WDR81: variants seen among roughly 807,000 people sequenced by gnomAD.
The protein encoded by WDR81 is WD repeat domain 81, also known as WD repeat-containing protein 81.
In WDR81, 92 loss-of-function variants were observed where a neutral mutation model predicts 140.8. The observed-to-expected ratio is 0.65, with a 90% CI of 0.55 to 0.78. The LOEUF (loss-of-function observed/expected upper bound fraction) is 0.78. Among genes scored for constraint, WDR81 ranks in the 30% least tolerant of loss-of-function variants. The pLI, the probability that WDR81 is intolerant of heterozygous loss-of-function variation, is 0.00. For missense variants in WDR81, 2,502 were observed against 2,636.4 expected (o/e 0.95, Z 1.12); for synonymous variants, 1,183 against 1,156.4 (o/e 1.02, Z -0.47).
At position 1,725,448 on chromosome 17, in the gene WDR81, T is replaced by C; in HGVS notation, c.489T>C (p.Ser163=). 6.5e-7 allele frequency: 1 copy of C among 1,549,386 alleles called. No individual in the cohort carries two copies. The highest frequency in any genetic ancestry group is 8.7e-7 in the Non-Finnish European group (1 of 1,146,964). ...ACCACACTTACGGCCAGCCGTACAG[T>C]CACAGCCCTGCCCCCTCAGCTGTCC... ...HAYHTYGQPY[S]HSPAPSAVPA... Residue 163 remains serine, a synonymous_variant, in exon 1 of 10, where the codon AGT becomes AGC. Coordinates refer to ENST00000409644, the MANE Select transcript of WDR81 (RefSeq NM_001163809.2).
Position 1,737,517 on chromosome 17 carries a change from C to T in WDR81, c.5658C>T (p.Thr1886=), listed in dbSNP as rs754546662. 1.3e-5 allele frequency: 21 copies of T among 1,613,008 alleles called. No homozygotes were observed. Among genetic ancestry groups the T allele is most frequent in the African/African-American group, 1.2e-4 (9 of 74,932 alleles). The stretch of plus-strand genomic sequence containing the variant: ...ACGGCAGCGAGGTGGTCACTGGCAC[C>T]GTGTCCAACAAGATTGGCGTCTGCT... ...DLYGSEVVTG[T]VSNKIGVCSL... is the part of the protein sequence containing the mutation. The change falls in exon 10 of 10, where the codon ACC becomes ACT. Residue 1886 remains threonine, a synonymous_variant. Coordinates refer to ENST00000409644, the MANE Select transcript of WDR81 (RefSeq NM_001163809.2).
chr17:1,734,336 G>A (rs895716784), intron 7 of WDR81, 120 bp downstream of exon 7: 121 of 1,218,880 alleles, frequency 9.9e-5, no homozygotes, highest in Middle Eastern at 5.7e-4. Flanking sequence ...CAGCGAGGCC[G>A]CCTAGGAGAA....
At chr17:1,728,733 T>C (rs1389561215) in intron 1 of WDR81, 107 bp downstream of exon 1, 2 of 1,342,414 alleles carry the variant, frequency 1.5e-6, no homozygotes, top group Non-Finnish European at 1.9e-6. Context: ...GGCGGGCGGA[T>C]CACAAGGTCA....
Position 1,725,465 on chromosome 17 carries a change from C to G in WDR81, c.506C>G (p.Ser169Ter). The change falls in exon 1 of 10, where the codon TCA becomes TGA. Residue 169 changes from serine to a stop codon, truncating the protein, a stop_gained. Coordinates refer to ENST00000409644, the MANE Select transcript of WDR81 (RefSeq NM_001163809.2). LOFTEE classifies it high-confidence loss of function. ...CCGTACAGTCACAGCCCTGCCCCCT[C>G]AGCTGTCCCTGCCTTGGACTCAGTA... ...GQPYSHSPAP[S>*]AVPALDSVRQ... is the part of the protein sequence containing the mutation. 1 of 1,549,006 alleles carries G rather than the reference C, an allele frequency of 6.5e-7. No individual in the cohort carries two copies. Among genetic ancestry groups the G allele is most frequent in the Non-Finnish European group, 8.7e-7 (1 of 1,146,952 alleles).
chr17:1,735,896 G>T lies in WDR81; in HGVS notation c.5326-143G>T. 2.2e-6 allele frequency: 3 copies of T among 1,377,454 alleles called. No individual in the cohort carries two copies. Among genetic ancestry groups the T allele is most frequent in the Non-Finnish European group, 2.9e-6 (3 of 1,033,046 alleles). 85.3% of individuals were successfully genotyped at this position (1,377,454 alleles called of 1,614,324 possible). A position where few individuals can be genotyped will look rare whatever the true frequency, so the allele number is the denominator to read the frequency against. ...GGGCAGGACTCTGGCCTGTGATGGG[G>T]GTGGGGTTCTGGGCTTTTCATGCCC... On this transcript the variant is annotated intron_variant, in intron 8 of 9. Coordinates refer to ENST00000409644, the MANE Select transcript of WDR81 (RefSeq NM_001163809.2). This position sits in a 1 kb window ranked among gnomAD's most constrained non-coding sequence, Gnocchi z 4.2.
In WDR81 at chr17:1,725,986, G is replaced by A; in HGVS notation, c.1027G>A (p.Glu343Lys). Residue 343 changes from glutamate to lysine, a missense_variant, in exon 1 of 10, where the codon GAG becomes AAG. By Grantham distance (56) the Glu-to-Lys change is moderately conservative. Transcript: ENST00000409644. ...GGQPGQPTGQ[E>K]ELRSLVLDWV... ...GCAACCTGGGCAACCCACTGGCCAG[G>A]AGGAACTTCGGAGCCTCGTGCTAGA... 1 of 1,549,568 alleles carries A rather than the reference G, an allele frequency of 6.5e-7. No individual in the cohort carries two copies.
Position 1,727,041 on chromosome 17 carries a change from G to A in WDR81, c.2082G>A (p.Val694=), listed in dbSNP as rs961778105. ...QASPGLLSFS[V]ASASRPGRRN... is the part of the protein sequence containing the mutation. ...CCCCTGGACTTCTCTCTTTCTCAGT[G>A]GCCTCAGCCTCCCGTCCAGGCCGCA... The change falls in exon 1 of 10, where the codon GTG becomes GTA. Residue 694 remains valine (V), a synonymous_variant. Transcript: ENST00000409644. The A allele has an allele frequency of 1.3e-6, 2 of 1,550,382 alleles. No homozygotes were observed. Among genetic ancestry groups the A allele is most frequent in the East Asian group, 4.9e-5 (2 of 40,926 alleles).
At chr17:1,719,332 G>A (rs1914743152) in intron 1 of WDR81, among the ~76,000 whole-genome samples, 1 of 149,528 alleles carries the variant, frequency 6.7e-6, no homozygotes, top group Non-Finnish European at 1.5e-5. Flanking sequence ...CGGATCACGA[G>A]GTCAGGAGAT....
In WDR81 at chr17:1,727,750, CT is replaced by C; in HGVS notation, c.2792del (p.Leu931ProfsTer33). ...GATCCTGCTGCCCTTCGTGCTCTCACTCATGTCCGAGGAGCACACAGCTGTG... is the reference window on the plus strand; with the variant it reads ...GATCCTGCTGCCCTTCGTGCTCTCACCATGTCCGAGGAGCACACAGCTGTG... Reference protein sequence around the residue: ...LEILLPFVLSLMSEEHTAVYT... With the variant: ...LEILLPFVLSXMSEEHTAVYT... On this transcript the variant is annotated frameshift_variant, in exon 1 of 10. Coordinates refer to ENST00000409644, the MANE Select transcript of WDR81 (RefSeq NM_001163809.2). LOFTEE classifies it high-confidence loss of function. 1 of 1,550,756 alleles carries C rather than the reference CT, an allele frequency of 6.4e-7. No individual in the cohort carries two copies. The highest frequency in any genetic ancestry group is 1.2e-5 in the South Asian group (1 of 84,070).
intron 7 of WDR81, 124 bp downstream of exon 7, chr17:1,734,340 A>G (rs1014220003): frequency 3.4e-6 from 4 of 1,176,960 alleles, no homozygotes; most frequent in Non-Finnish European, 4.6e-6. Flanking sequence ...GAGGCCGCCT[A>G]GGAGAACAGT....
intron 4 of WDR81, among the ~76,000 whole-genome samples, chr17:1,731,505 C>T (rs920646274): frequency 6.6e-6 from 1 of 152,216 alleles, no homozygotes; most frequent in African/African-American, 2.4e-5. Flanking sequence ...GGCACGGTGG[C>T]TCATGCCTGT....
At position 1,736,102 on chromosome 17, in the gene WDR81, A is replaced by T; in HGVS notation, c.5389A>T (p.Ser1797Cys). 1 of 1,602,516 alleles carries T rather than the reference A, an allele frequency of 6.2e-7. No individual in the cohort carries two copies. Among genetic ancestry groups the T allele is most frequent in the South Asian group, 1.1e-5 (1 of 91,072 alleles). Residue 1797 changes from serine (S) to cysteine (C), a missense_variant, in exon 9 of 10, where the codon AGT becomes TGT. By Grantham distance (112) the Ser-to-Cys change is moderately radical (BLOSUM62 -1). Around this residue, in one of 3 missense-constraint regions of WDR81, gnomAD observed 1,737 missense variants for 1,843.0 expected, o/e 0.94. Transcript: ENST00000409644. ...GLVRALAISP[S>C]GRSVVAGFSS... ...TGTCCGTGCCCTGGCCATCAGCCCC[A>T]GTGGCCGTAGTGTCGTGGCCGGCTT... is the stretch of plus-strand genomic sequence containing the variant.
At chr17:1,720,781 AAAG>A (rs1463986209), upstream of WDR81, among the ~76,000 whole-genome samples, 1 of 151,936 alleles carries the variant, frequency 6.6e-6, no homozygotes, top group South Asian at 2.1e-4. Context: ...AAAAAAAAAA[AAAG>A]AATTATGCCC....
Position 1,728,036 on chromosome 17 carries a change from C to G in WDR81, c.3077C>G (p.Ala1026Gly), listed in dbSNP as rs984498666. The G allele has an allele frequency of 6.4e-7, 1 of 1,555,146 alleles. No individual in the cohort carries two copies. Among genetic ancestry groups the G allele is most frequent in the African/African-American group, 1.4e-5 (1 of 72,844 alleles). ...EASQEESKDL[A>G]GAAEEEESGL... ...TCCCAGGAGGAGAGCAAGGACCTGG[C>G]AGGGGCTGCTGAGGAGGAGGAGAGC... Residue 1026 changes from alanine to glycine, a missense_variant, in exon 1 of 10, where the codon GCA becomes GGA. Ala to Gly is a moderately conservative substitution (Grantham distance 60). Coordinates refer to ENST00000409644, the MANE Select transcript of WDR81 (RefSeq NM_001163809.2).
In WDR81 at chr17:1,724,719, G is replaced by C. The variant is rs976872040; in HGVS notation, c.-241G>C. ...GACCCGCGTCAGCTGACCCGTCACG[G>C]TGGAGCCCGGTGCTCGCGCCCGGCA... On this transcript the variant is annotated 5_prime_UTR_variant, in exon 1 of 10. Transcript: ENST00000409644. The C allele has an allele frequency of 1.8e-6, 2 of 1,096,082 alleles. No homozygotes were observed. Among genetic ancestry groups the C allele is most frequent in the Admixed American group, 1.0e-4 (2 of 19,562 alleles). The allele number at this position is 1,096,082 out of a possible 1,614,324, so 67.9% of individuals were successfully genotyped here. A position where few individuals can be genotyped will look rare whatever the true frequency, so the allele number is the denominator to read the frequency against.
chr17:1,724,561 G>C (rs908656046), upstream of WDR81: 2 of 988,922 alleles, frequency 2.0e-6, no homozygotes, highest in African/African-American at 3.5e-5. Context: ...TCAGCCCCGG[G>C]AGGAAGCGGA....
intron 6 of WDR81, 145 bp downstream of exon 6, chr17:1,732,976 C>T: frequency 9.7e-7 from 1 of 1,034,594 alleles, no homozygotes; most frequent in Non-Finnish European, 1.4e-6. Flanking sequence ...GGCCTCAGAC[C>T]CCTACCCCCA....
At chr17:1,731,037 T>C in intron 3 of WDR81, 31 bp from the exon 4 acceptor site, 1 of 1,606,610 alleles carries the variant, frequency 6.2e-7, no homozygotes, top group Non-Finnish European at 8.5e-7. Flanking sequence ...TCTGTGGGGC[T>C]GCCCGGCCCT....
intron 1 of WDR81, chr17:1,716,926 C>G: frequency 3.8e-6 from 2 of 529,678 alleles, no homozygotes; most frequent in South Asian, 2.5e-5. Flanking sequence ...GGGGGCTCTT[C>G]CTAACCACAG....
Sources: allele counts gnomAD v4.1 joint callset (sites outside exome capture counted in the v4.1 genomes callset), GRCh38; gene constraint gnomAD v4.1.1; regional missense constraint gnomAD v4.1.1; non-coding constraint Gnocchi (gnomAD v3.1); transcripts MANE v1.5; gene names NCBI Gene and HGNC (gene_info 2026-07-23, HGNC 2026-07-21).